TBC1D19: variants seen among roughly 807,000 people sequenced by gnomAD.
The protein encoded by TBC1D19 is TBC1 domain family member 19.
TBC1D19 carries 60 observed loss-of-function variants against 89.0 expected under a neutral mutation model. That is an observed-to-expected ratio of 0.67 (90% CI 0.55 to 0.84). The LOEUF (loss-of-function observed/expected upper bound fraction) is 0.84. Among genes scored for constraint, TBC1D19 ranks in the 40% least tolerant of loss-of-function variants. The pLI is 0.00. For synonymous variants in TBC1D19, 189 were observed against 199.7 expected (o/e 0.95, Z 0.45); for missense variants, 500 against 610.8 (o/e 0.82, Z 1.91).
chr4:26,738,946 A>G (rs1578005033), intron 16 of TBC1D19, among the ~76,000 whole-genome samples: 1 of 152,218 alleles, frequency 6.6e-6, no homozygotes, highest in African/African-American at 2.4e-5. Context: ...AACAGATTAT[A>G]GAGCCCCAGA....
intron 4 of TBC1D19, among the ~76,000 whole-genome samples, chr4:26,624,685 C>G (rs1742279896): frequency 3.3e-5 from 5 of 152,020 alleles, no homozygotes; most frequent in Admixed American, 6.6e-5. Context: ...ATCTATTTTC[C>G]CAATTATTAC....
intron 13 of TBC1D19, among the ~76,000 whole-genome samples, chr4:26,689,399 C>A (rs1283074961): frequency 6.6e-6 from 1 of 151,940 alleles, no homozygotes; most frequent in Non-Finnish European, 1.5e-5. Flanking sequence ...TAATATGTAG[C>A]CCTGTACCTA....
intron 15 of TBC1D19, among the ~76,000 whole-genome samples, chr4:26,734,960 A>ATG (rs1359688624): frequency 5.2e-5 from 3 of 57,914 alleles, no homozygotes; most frequent in African/African-American, 1.4e-4. Flanking sequence ...ACATATGTAT[A>ATG]TGTATATATG....
intron 1 of TBC1D19, among the ~76,000 whole-genome samples, chr4:26,602,502 C>G (rs1192620691): frequency 1.4e-5 from 2 of 138,046 alleles, no homozygotes; most frequent in African/African-American, 5.5e-5. Flanking sequence ...AGTGCAGTGG[C>G]ACGATCTCAG....
the TBC1D19 span, among the ~76,000 whole-genome samples, chr4:26,779,811 C>G: frequency 4.6e-5 from 7 of 152,182 alleles, no homozygotes; most frequent in Admixed American, 4.6e-4. Context: ...TATTCTCACT[C>G]CAGCTTATAA....
At chr4:26,705,381 C>T (rs1487307876) in intron 13 of TBC1D19, among the ~76,000 whole-genome samples, 1 of 152,102 alleles carries the variant, frequency 6.6e-6, no homozygotes, top group East Asian at 1.9e-4. Flanking sequence ...AGATTTTGCA[C>T]TATGTTTTCT....
chr4:26,614,419 A>G lies in TBC1D19; in HGVS notation c.184A>G (p.Lys62Glu). 1 of 1,592,736 alleles carries G rather than the reference A, an allele frequency of 6.3e-7. No homozygotes were observed. The highest frequency in any genetic ancestry group is 8.5e-7 in the Non-Finnish European group (1 of 1,170,956). ...TTTTTAAAAAACAGGTTGGGAGAAG[A>G]AACTTCAGAATGCTGTTTATAGTGA... ...EFFKISGWEKKLQNAVYSELS... is the reference protein window; with the variant it reads ...EFFKISGWEKELQNAVYSELS... Residue 62 changes from lysine (K) to glutamate (E), a missense_variant, in exon 3 of 21, where the codon AAA becomes GAA. This residue lies in a region of TBC1D19 where 280 missense variants were observed against 291.7 expected (regional missense o/e 0.96). Coordinates refer to ENST00000264866, the MANE Select transcript of TBC1D19 (RefSeq NM_018317.4).
chr4:26,666,192 C>A (rs1477924000), intron 8 of TBC1D19, 141 bp from the exon 9 acceptor site: 1 of 566,480 alleles, frequency 1.8e-6, no homozygotes, highest in African/African-American at 1.9e-5. Flanking sequence ...ATGTCCTTTT[C>A]TTTTTTAGGT....
intron 3 of TBC1D19, among the ~76,000 whole-genome samples, chr4:26,619,525 T>G (rs527793746): frequency 2.0e-5 from 3 of 152,142 alleles, no homozygotes; most frequent in Non-Finnish European, 4.4e-5. Flanking sequence ...ATTTCTAAGC[T>G]TTATTAAATT....
At chr4:26,651,875 G>T (rs1744414362) in intron 7 of TBC1D19, among the ~76,000 whole-genome samples, 3 of 152,074 alleles carry the variant, frequency 2.0e-5, no homozygotes, top group South Asian at 4.1e-4. Context: ...TTATTATTTT[G>T]AGATATGTCC....
In TBC1D19 at chr4:26,756,183, T is replaced by A. The variant is rs1719255516; in HGVS notation, c.*1236T>A. ...AGCTGAATAATAATTTATTCCATGA[T>A]TGATTCTTAATAAACCCCATTTTAT... On this transcript the variant is annotated 3_prime_UTR_variant, in exon 21 of 21. Transcript: ENST00000264866. Among the ~76,000 whole-genome samples the A allele has an allele frequency of 6.6e-6, 1 of 152,222 alleles. No individual in the cohort carries two copies. The highest frequency in any genetic ancestry group is 6.5e-5 in the Admixed American group (1 of 15,280).
At chr4:26,669,543 T>G (rs974105954) in intron 9 of TBC1D19, among the ~76,000 whole-genome samples, 22 of 151,826 alleles carry the variant, frequency 1.4e-4, no homozygotes, top group Non-Finnish European at 3.0e-4. Flanking sequence ...CTTTTTAGGC[T>G]TCTTATTCTT....
chr4:26,796,345 G>C, the TBC1D19 span, among the ~76,000 whole-genome samples: 1 of 152,184 alleles, frequency 6.6e-6, no homozygotes, highest in Non-Finnish European at 1.5e-5. Flanking sequence ...AACACAGTAT[G>C]TCACTAAACT....
intron 7 of TBC1D19, among the ~76,000 whole-genome samples, chr4:26,655,838 G>A (rs970590868): frequency 3.0e-4 from 46 of 152,282 alleles, no homozygotes; most frequent in African/African-American, 9.1e-4. Flanking sequence ...GCAATGCCTC[G>A]CCCTGCTTCA....
At chr4:26,858,743 C>T in the TBC1D19 span, 14 of 152,184 alleles carry the variant, frequency 9.2e-5, no homozygotes, top group Admixed American at 6.5e-4. Context: ...TTATTCCTGG[C>T]CCCTGGCCTT....
At chr4:26,831,690 C>G in the TBC1D19 span, among the ~76,000 whole-genome samples, 1 of 148,470 alleles carries the variant, frequency 6.7e-6, no homozygotes, top group Non-Finnish European at 1.5e-5. Flanking sequence ...TCAAGCGATT[C>G]TCCTGCCTCA....
At chr4:26,695,019 A>C (rs1714639458) in intron 13 of TBC1D19, among the ~76,000 whole-genome samples, 1 of 152,244 alleles carries the variant, frequency 6.6e-6, no homozygotes, top group South Asian at 2.1e-4. Flanking sequence ...GCTCCTCACC[A>C]GCAACGGAAA....
At chr4:26,606,734 A>T (rs1427962880) in intron 1 of TBC1D19, among the ~76,000 whole-genome samples, 1 of 152,214 alleles carries the variant, frequency 6.6e-6, no homozygotes, top group Admixed American at 6.5e-5. Flanking sequence ...CTACAGTTCC[A>T]TGGGGCATAG....
At chr4:26,743,171 T>A (rs977490097) in intron 18 of TBC1D19, among the ~76,000 whole-genome samples, 3 of 151,328 alleles carry the variant, frequency 2.0e-5, no homozygotes, top group African/African-American at 4.8e-5. Flanking sequence ...CTCTCTCTTT[T>A]AAAAAAAAAT....
Sources: allele counts gnomAD v4.1 joint callset (sites outside exome capture counted in the v4.1 genomes callset), GRCh38; gene constraint gnomAD v4.1.1; regional missense constraint gnomAD v4.1.1; transcripts MANE v1.5; gene names NCBI Gene and HGNC (gene_info 2026-07-23, HGNC 2026-07-21).